Variants in OR2L13 observed in about 807,000 individuals in gnomAD.
OR2L13 encodes the protein olfactory receptor 2L13.
OR2L13 carries 14 observed loss-of-function variants against 15.3 expected under a neutral mutation model. The ratio of observed to expected loss-of-function variants is 0.91; its 90% CI spans 0.60 to 1.43. The LOEUF (loss-of-function observed/expected upper bound fraction) is 1.43, where lower values mean the gene tolerates loss of function less well. OR2L13 is among the 40% of genes most tolerant of loss of function. The probability of loss-of-function intolerance (pLI) is 0.00; values close to 1 mark genes in which losing one functional copy is unlikely to be tolerated. For synonymous variants in OR2L13, 152 were observed against 142.9 expected, an observed-to-expected ratio of 1.06 and a Z score of -0.45; for missense variants, 367 against 387.9, an observed-to-expected ratio of 0.95 and a Z score of 0.45.
chr1:247,991,111 C>T, the OR2L13 span: 4 of 1,605,756 alleles, frequency 2.5e-6, no homozygotes, highest in Admixed American at 3.3e-5. Context: ...CATCCTCACT[C>T]CAATGCTCAA....
chr1:248,014,605 A>G, the OR2L13 span, among the ~76,000 whole-genome samples: 5 of 152,150 alleles, frequency 3.3e-5, no homozygotes, highest in Non-Finnish European at 7.4e-5. Flanking sequence ...TGTGAAGGCT[A>G]TATTACTCTA....
the OR2L13 span, among the ~76,000 whole-genome samples, chr1:247,970,871 T>C: frequency 2.0e-5 from 3 of 152,316 alleles, no homozygotes; most frequent in East Asian, 5.8e-4. Flanking sequence ...TATGGCTTCA[T>C]GCATGCAGGA....
At chr1:248,048,145 C>T in the OR2L13 span, among the ~76,000 whole-genome samples, 2 of 152,118 alleles carry the variant, frequency 1.3e-5, no homozygotes, top group Non-Finnish European at 2.9e-5. Context: ...TCTGTCTGCC[C>T]ACTTACCTGT....
At chr1:247,945,831 T>C in the OR2L13 span, among the ~76,000 whole-genome samples, 12 of 152,208 alleles carry the variant, frequency 7.9e-5, no homozygotes, top group African/African-American at 2.4e-4. Flanking sequence ...TGCTTTTTCC[T>C]TCTTTCCATT....
chr1:247,957,546 A>G, the OR2L13 span, among the ~76,000 whole-genome samples: 2 of 152,222 alleles, frequency 1.3e-5, no homozygotes, highest in East Asian at 3.9e-4. Flanking sequence ...ACCTCTGGTA[A>G]ATTCGGCTGT....
At chr1:248,081,292 A>G in the OR2L13 span, among the ~76,000 whole-genome samples, 27 of 152,156 alleles carry the variant, frequency 1.8e-4, no homozygotes, top group Non-Finnish European at 3.1e-4. Flanking sequence ...ACAAGTCTGA[A>G]ATACCACTTC....
the OR2L13 span, among the ~76,000 whole-genome samples, chr1:247,973,777 A>G: frequency 6.6e-5 from 10 of 152,326 alleles, no homozygotes; most frequent in African/African-American, 2.2e-4. Flanking sequence ...GTCGGGAAAC[A>G]ACAGATGCTG....
At chr1:247,972,838 A>G in the OR2L13 span, among the ~76,000 whole-genome samples, 127,885 of 152,136 alleles carry the variant, frequency 0.84, 55,476 homozygotes, top group South Asian at 0.97. Context: ...CAAAATTTCA[A>G]GCCAATATCC....
At chr1:248,038,719 G>T in the OR2L13 span, 14 of 1,613,946 alleles carry the variant, frequency 8.7e-6, no homozygotes, top group Admixed American at 3.3e-5. Context: ...TGGATGATAA[G>T]CTCTATCAAC....
the OR2L13 span, among the ~76,000 whole-genome samples, chr1:247,948,555 G>A: frequency 6.6e-6 from 1 of 152,110 alleles, no homozygotes; most frequent in Non-Finnish European, 1.5e-5. Context: ...AGAAGTCTGA[G>A]TACAGTACAA....
the OR2L13 span, among the ~76,000 whole-genome samples, chr1:247,955,476 G>T: frequency 6.6e-6 from 1 of 151,942 alleles, no homozygotes; most frequent in South Asian, 2.1e-4. Flanking sequence ...TAATGCGATG[G>T]CTGGGTCAAA....
At position 248,099,271 on chromosome 1, in the gene OR2L13, T is replaced by C. The variant is rs906222561; in HGVS notation, c.-18-87T>C. 7.5e-5 allele frequency: 58 copies of C among 774,374 alleles called. No homozygotes were observed. In the East Asian group the frequency reaches 1.3e-3, roughly 17 times the overall value. 48.0% of individuals were successfully genotyped at this position (774,374 alleles called of 1,614,324 possible). On this transcript the variant is annotated intron_variant, in intron 2 of 2. Transcript: ENST00000641714. ...AGAAACAACTCATTCTAAACAAACATTGATAAAGTCAGTTCCTTTTTGTTT... is the reference window on the plus strand; with the variant it reads ...AGAAACAACTCATTCTAAACAAACACTGATAAAGTCAGTTCCTTTTTGTTT...
chr1:248,083,882 G>C, the OR2L13 span: 8 of 1,610,936 alleles, frequency 5.0e-6, no homozygotes, highest in Non-Finnish European at 6.8e-6. Context: ...GTGAAGAGCA[G>C]GTGGCGAAGG....
At chr1:248,028,192 G>T in the OR2L13 span, among the ~76,000 whole-genome samples, 4 of 146,518 alleles carry the variant, frequency 2.7e-5, no homozygotes, top group Non-Finnish European at 5.9e-5. Flanking sequence ...CTCTCCAGAA[G>T]GCTGATTTGA....
At chr1:248,067,975 G>T in the OR2L13 span, among the ~76,000 whole-genome samples, 1 of 152,254 alleles carries the variant, frequency 6.6e-6, no homozygotes, top group Non-Finnish European at 1.5e-5. Context: ...GCTTGCTTAG[G>T]TAAACAAAGC....
At chr1:247,995,868 C>T in the OR2L13 span, among the ~76,000 whole-genome samples, 4 of 152,092 alleles carry the variant, frequency 2.6e-5, no homozygotes, top group South Asian at 2.1e-4. Flanking sequence ...AAAATGTTTT[C>T]CAGATCCCGA....
the OR2L13 span, among the ~76,000 whole-genome samples, chr1:247,980,105 G>A: frequency 6.6e-6 from 1 of 151,890 alleles, no homozygotes; most frequent in African/African-American, 2.4e-5. Flanking sequence ...TAATTTACTG[G>A]AAACCATGGA....
At chr1:248,044,218 G>C in the OR2L13 span, among the ~76,000 whole-genome samples, 2 of 152,032 alleles carry the variant, frequency 1.3e-5, no homozygotes, top group Non-Finnish European at 2.9e-5. Context: ...TACCAAGATT[G>C]TAGCCTCCCA....
At chr1:247,951,973 TTGTG>T in the OR2L13 span, among the ~76,000 whole-genome samples, 8 of 150,084 alleles carry the variant, frequency 5.3e-5, no homozygotes, top group African/African-American at 7.3e-5. Context: ...GTGTGTGTGT[TTGTG>T]TGTGTGTGTG....
Sources: allele counts gnomAD v4.1 joint callset (sites outside exome capture counted in the v4.1 genomes callset), GRCh38; gene constraint gnomAD v4.1.1; transcripts MANE v1.5; gene names NCBI Gene and HGNC (gene_info 2026-07-23, HGNC 2026-07-21).